ULK4: variants seen among roughly 807,000 people sequenced by gnomAD.
The protein encoded by ULK4 is unc-51 like kinase 4, also known as inactive serine/threonine-protein kinase ULK4.
ULK4 carries 133 observed loss-of-function variants against 160.6 expected under a neutral mutation model. The observed-to-expected ratio is 0.83, with a 90% CI of 0.72 to 0.96. ULK4 has a LOEUF of 0.96. Among genes scored for constraint, ULK4 ranks in the 40% least tolerant of loss-of-function variants. The pLI, the probability that ULK4 is intolerant of heterozygous loss-of-function variation, is 0.00. For missense variants in ULK4, 1,580 were observed against 1,499.5 expected (o/e 1.05, Z -0.89); for synonymous variants, 534 against 539.8 (o/e 0.99, Z 0.15).
At chr3:41,387,467 C>G (rs1342919307) in intron 35 of ULK4, among the ~76,000 whole-genome samples, 6 of 152,028 alleles carry the variant, frequency 3.9e-5, no homozygotes, top group Admixed American at 3.9e-4. Flanking sequence ...TGGTGTGCTG[C>G]ACCCATCAAC....
intron 32 of ULK4, among the ~76,000 whole-genome samples, chr3:41,559,821 T>C (rs1007969328): frequency 5.9e-5 from 9 of 152,212 alleles, no homozygotes; most frequent in African/African-American, 9.6e-5. Flanking sequence ...CATTCTGTAG[T>C]TGCCTATTCA....
chr3:41,379,469 G>C (rs2081598037), intron 35 of ULK4, among the ~76,000 whole-genome samples: 1 of 152,142 alleles, frequency 6.6e-6, no homozygotes, highest in South Asian at 2.1e-4. Context: ...ACATTTCCTT[G>C]AACAATGGTG....
intron 32 of ULK4, among the ~76,000 whole-genome samples, chr3:41,514,614 C>A (rs372095117): frequency 9.9e-5 from 15 of 152,160 alleles, no homozygotes; most frequent in African/African-American, 3.6e-4. Context: ...ACAATGAAAT[C>A]ATGTCTTTTG....
intron 19 of ULK4, among the ~76,000 whole-genome samples, 196 bp from the exon 20 acceptor site, chr3:41,800,489 A>T (rs1288532939): frequency 1.3e-5 from 2 of 152,220 alleles, no homozygotes; most frequent in Non-Finnish European, 2.9e-5. Flanking sequence ...TTCACTAGCA[A>T]GCTATCATAA....
intron 32 of ULK4, among the ~76,000 whole-genome samples, chr3:41,546,768 A>T (rs911837483): frequency 6.0e-5 from 2 of 33,338 alleles, no homozygotes; most frequent in African/African-American, 1.6e-4. Context: ...CTAGGCCCTT[A>T]AAAAAAAAAA....
At chr3:41,914,205 G>C (rs1328218078) in intron 8 of ULK4, among the ~76,000 whole-genome samples, 1 of 152,070 alleles carries the variant, frequency 6.6e-6, no homozygotes, top group East Asian at 1.9e-4. Flanking sequence ...AAACAAAAAA[G>C]AAAAGAATTT....
At chr3:41,500,278 A>AT (rs2085151169) in intron 32 of ULK4, among the ~76,000 whole-genome samples, 1 of 111,428 alleles carries the variant, frequency 9.0e-6, no homozygotes, top group Non-Finnish European at 2.0e-5. Flanking sequence ...TTTTCATCTT[A>AT]TCTTTTTTTT....
intron 34 of ULK4, among the ~76,000 whole-genome samples, chr3:41,445,137 G>A (rs1223879196): frequency 1.4e-4 from 21 of 152,110 alleles, no homozygotes; most frequent in African/African-American, 4.3e-4. Context: ...CTTCAAAAAG[G>A]ATAAAATACT....
intron 35 of ULK4, among the ~76,000 whole-genome samples, chr3:41,289,858 C>CGTAT (rs55905542): frequency 9.3e-5 from 10 of 107,588 alleles, no homozygotes; most frequent in African/African-American, 1.6e-4. Context: ...TATGTATGTA[C>CGTAT]GTATGTATGT....
intron 31 of ULK4, among the ~76,000 whole-genome samples, chr3:41,608,082 GT>G (rs2032471071): frequency 1.3e-5 from 2 of 152,176 alleles, no homozygotes; most frequent in African/African-American, 4.8e-5. Context: ...AAATTTCTAT[GT>G]AATAACTTGC....
At chr3:41,839,351 T>C (rs2125657783) in intron 17 of ULK4, among the ~76,000 whole-genome samples, 1 of 151,216 alleles carries the variant, frequency 6.6e-6, no homozygotes, top group Non-Finnish European at 1.5e-5. Context: ...AAAAAAAGAG[T>C]ACATTTTACA....
intron 18 of ULK4, among the ~76,000 whole-genome samples, chr3:41,831,531 A>ATATATATATTTTTTTTTT: frequency 2.5e-4 from 34 of 138,118 alleles, no homozygotes; most frequent in Admixed American, 1.5e-3. Context: ...ATATATATAT[A>ATATATATATTTTTTTTTT]TTTTTTTTTC....
chr3:41,542,203 T>C (rs1430722356), intron 32 of ULK4, among the ~76,000 whole-genome samples: 1 of 152,214 alleles, frequency 6.6e-6, no homozygotes, highest in Admixed American at 6.5e-5. Flanking sequence ...CGATACCTCA[T>C]TTATTGACAG....
intron 34 of ULK4, among the ~76,000 whole-genome samples, chr3:41,401,933 C>T (rs950373105): frequency 6.6e-6 from 1 of 152,122 alleles, no homozygotes; most frequent in African/African-American, 2.4e-5. Context: ...GGAACTTCTC[C>T]TTTAGCACAC....
At chr3:41,462,919 C>T (rs1006760828) in intron 33 of ULK4, among the ~76,000 whole-genome samples, 168 bp downstream of exon 33, 1 of 152,136 alleles carries the variant, frequency 6.6e-6, no homozygotes, top group Non-Finnish European at 1.5e-5. Context: ...ATTCTCTGTT[C>T]TTGACATTGG....
intron 4 of ULK4, 74 bp downstream of exon 4, chr3:41,935,727 A>G (rs1460241584): frequency 3.3e-6 from 5 of 1,493,808 alleles, no homozygotes; most frequent in Non-Finnish European, 4.5e-6. Context: ...TTATCCAAAA[A>G]TAACAACATC....
At chr3:41,859,508 T>G (rs909491052) in intron 17 of ULK4, 2 of 547,054 alleles carry the variant, frequency 3.7e-6, no homozygotes, top group Admixed American at 1.9e-5. Flanking sequence ...TAAGGACCCT[T>G]AGGGATAAAC....
At chr3:41,492,019 A>C (rs942600520) in intron 32 of ULK4, among the ~76,000 whole-genome samples, 128 of 152,100 alleles carry the variant, frequency 8.4e-4, no homozygotes, top group African/African-American at 3.1e-3. Context: ...ACTGAGAATG[A>C]TGATTTCCAA....
At chr3:41,558,280 G>C (rs1691998) in intron 32 of ULK4, among the ~76,000 whole-genome samples, 66,000 of 151,972 alleles carry the variant, frequency 0.43, 15,552 homozygotes, top group Middle Eastern at 0.55. Flanking sequence ...ATGTTGCTGT[G>C]TAAAAGAATA....
Sources: allele counts gnomAD v4.1 joint callset (sites outside exome capture counted in the v4.1 genomes callset), GRCh38; gene constraint gnomAD v4.1.1; transcripts MANE v1.5; gene names NCBI Gene and HGNC (gene_info 2026-07-23, HGNC 2026-07-21).